NAALAD2: variants seen among roughly 807,000 people sequenced by gnomAD.
The protein encoded by NAALAD2 is N-acetylated alpha-linked acidic dipeptidase 2.
In NAALAD2, 89 loss-of-function variants were observed where a neutral mutation model predicts 95.6. The ratio of observed to expected loss-of-function variants is 0.93; its 90% confidence interval spans 0.78 to 1.11. NAALAD2 has a LOEUF of 1.11. Among genes scored for constraint, NAALAD2 ranks in the 50% least tolerant of loss-of-function variants. The probability of loss-of-function intolerance (pLI) is 0.00; values close to 1 mark genes in which losing one functional copy is unlikely to be tolerated. For missense variants in NAALAD2, 894 were observed against 872.4 expected, an observed-to-expected ratio of 1.02 and a Z score of -0.31; for synonymous variants, 264 against 294.4, an observed-to-expected ratio of 0.90 and a Z score of 1.06.
At chr11:90,179,481 T>C (rs1231785283) in intron 16 of NAALAD2, among the ~76,000 whole-genome samples, 1 of 152,066 alleles carries the variant, frequency 6.6e-6, no homozygotes, top group Non-Finnish European at 1.5e-5. Context: ...AAAGGATTAG[T>C]AATCTTTATA....
intron 11 of NAALAD2, 26 bp from the exon 12 acceptor site, chr11:90,168,903 A>G: frequency 1.3e-6 from 2 of 1,566,112 alleles, no homozygotes; most frequent in East Asian, 4.6e-5. Context: ...AATGTGAATT[A>G]AGTAACAACT....
intron 4 of NAALAD2, among the ~76,000 whole-genome samples, chr11:90,149,529 G>A (rs553203812): frequency 1.2e-4 from 19 of 152,158 alleles, no homozygotes; most frequent in South Asian, 2.1e-4. Flanking sequence ...CTGCCTCCGA[G>A]GTTCAAGCAA....
upstream of NAALAD2, among the ~76,000 whole-genome samples, chr11:90,133,995 T>C (rs1951397114): frequency 1.3e-5 from 2 of 152,086 alleles, no homozygotes; most frequent in Admixed American, 1.3e-4. Context: ...GCTTCTTCGG[T>C]TTAGCATGTC....
intron 11 of NAALAD2, among the ~76,000 whole-genome samples, chr11:90,165,139 A>T (rs771616597): frequency 6.6e-6 from 1 of 152,216 alleles, no homozygotes; most frequent in Non-Finnish European, 1.5e-5. Flanking sequence ...GTCCCTGCAA[A>T]CAACATAGTC....
intron 14 of NAALAD2, 45 bp downstream of exon 14, chr11:90,173,960 A>G: frequency 8.2e-7 from 1 of 1,221,270 alleles, no homozygotes; most frequent in East Asian, 2.4e-5. Flanking sequence ...ATAAGTTATG[A>G]ATTCCCCTCT....
rs775046093 is a variant in NAALAD2, at chr11:90,149,094, A to G, written c.470A>G (p.Gln157Arg). 2.0e-5 allele frequency: 32 copies of G among 1,581,970 alleles called. No homozygotes were observed. The African/African-American group carries it at 2.3e-4, about 11-fold the overall frequency. ...IVPPYNAFSA[Q>R]GMPEGDLVYV... ...CCACCATATAATGCTTTCTCAGCCC[A>G]AGGCATGCCAGAGGTAAAATAAAAT... is the stretch of plus-strand genomic sequence containing the variant. The change falls in exon 4 of 19, where the codon CAA (glutamine) becomes CGA (arginine). Residue 157 changes from glutamine (Q) to arginine (R), a missense_variant. Transcript: ENST00000534061.
Position 90,134,743 on chromosome 11 carries a change from C to T in NAALAD2, c.-16C>T. On this transcript the variant is annotated 5_prime_UTR_variant, in exon 1 of 19. Coordinates refer to ENST00000534061, the MANE Select transcript of NAALAD2 (RefSeq NM_005467.4). ...GCGAATGTAGCAGGCGCCCCAAGCTCGGTCCTCAAGAAGCCATGGCGGAAT... is the reference window on the plus strand; with the variant it reads ...GCGAATGTAGCAGGCGCCCCAAGCTTGGTCCTCAAGAAGCCATGGCGGAAT... The T allele has an allele frequency of 6.2e-7, 1 of 1,613,156 alleles. No homozygotes were observed. The highest frequency in any genetic ancestry group is 1.1e-5 in the South Asian group (1 of 91,024).
chr11:90,150,631 C>T, intron 5 of NAALAD2, 24 bp downstream of exon 5: 2 of 1,558,546 alleles, frequency 1.3e-6, no homozygotes, highest in African/African-American at 1.4e-5. Context: ...TGTTTTTCTA[C>T]AGAGAATGAG....
At chr11:90,140,635 C>T (rs1406293117) in intron 2 of NAALAD2, among the ~76,000 whole-genome samples, 2 of 152,032 alleles carry the variant, frequency 1.3e-5, no homozygotes, top group Non-Finnish European at 2.9e-5. Context: ...GTTGGAAATG[C>T]AGTGAACAAA....
At chr11:90,147,184 T>C (rs1951767603) in intron 2 of NAALAD2, 146 bp from the exon 3 acceptor site, 4 of 612,150 alleles carry the variant, frequency 6.5e-6, no homozygotes, top group Admixed American at 6.1e-5. Flanking sequence ...ATCTAGAAAC[T>C]GGTAGCATTA....
chr11:90,162,885 T>A, intron 8 of NAALAD2, 64 bp from the exon 9 acceptor site: 1 of 934,428 alleles, frequency 1.1e-6, no homozygotes, highest in Non-Finnish European at 1.7e-6. Context: ...TAGTTTTTTA[T>A]AATAAAACAC....
rs577845262 is a variant in NAALAD2, at chr11:90,174,190, T to C, written c.1502+275T>C. ...CTACTAAAAATACAAAATTAGCCGG[T>C]CATGGTAGCGGGCACTTGTAATCCC... On this transcript the variant is annotated intron_variant, in intron 14 of 18. Transcript: ENST00000534061. Among the ~76,000 whole-genome samples the C allele has an allele frequency of 2.0e-5, 3 of 152,104 alleles. No homozygotes were observed. In the East Asian group the frequency reaches 5.8e-4, roughly 29 times the overall value.
chr11:90,146,818 G>A (rs1951760756), intron 2 of NAALAD2, among the ~76,000 whole-genome samples: 1 of 152,042 alleles, frequency 6.6e-6, no homozygotes, highest in African/African-American at 2.4e-5. Flanking sequence ...TTGGGTAAAA[G>A]GCAAGAACTA....
intron 8 of NAALAD2, among the ~76,000 whole-genome samples, chr11:90,162,056 T>C (rs981231640): frequency 6.6e-6 from 1 of 152,136 alleles, no homozygotes; most frequent in Non-Finnish European, 1.5e-5. Context: ...CTTAACAATA[T>C]ACAAGTTTCG....
At chr11:90,160,678 A>G (rs1268489116) in intron 8 of NAALAD2, among the ~76,000 whole-genome samples, 10 of 152,202 alleles carry the variant, frequency 6.6e-5, no homozygotes, top group Admixed American at 6.5e-4. Flanking sequence ...ATGAAACATA[A>G]AGCCCTTTCT....
rs1038820385 is a variant in NAALAD2, at chr11:90,163,437, A to G, written c.1195+8A>G. On this transcript the variant is annotated splice_region_variant and intron_variant, in intron 10 of 18. Transcript: ENST00000534061. ...GAAAACTGATGAGTAAAGGTAAACA[A>G]CCTTTCTTTCCTAGGTGATGACAAA... is the stretch of plus-strand genomic sequence containing the variant. 5.6e-6 allele frequency: 9 copies of G among 1,613,776 alleles called. No individual in the cohort carries two copies. In the East Asian group the frequency reaches 6.7e-5, roughly 12 times the overall value.
At chr11:90,175,672 T>C (rs766055413) in intron 14 of NAALAD2, among the ~76,000 whole-genome samples, 1 of 152,178 alleles carries the variant, frequency 6.6e-6, no homozygotes, top group Non-Finnish European at 1.5e-5. Flanking sequence ...GAGAGCATCA[T>C]CACAAGATGC....
At position 90,158,177 on chromosome 11, in the gene NAALAD2, G is replaced by C. The variant is rs1952179045; in HGVS notation, c.829G>C (p.Val277Leu). 1 of 1,610,026 alleles carries C rather than the reference G, an allele frequency of 6.2e-7. No homozygotes were observed. The highest frequency in any genetic ancestry group is 8.5e-7 in the Non-Finnish European group (1 of 1,177,704). Residue 277 changes from valine (V) to leucine (L), a missense_variant, in exon 7 of 19, where the codon GTG becomes CTG. Val to Leu is a conservative substitution (Grantham distance 32, BLOSUM62 1). Transcript: ENST00000534061. ...TTTCAGACTTGATGTTGAAGAAGGA[G>C]TGGGAATCCCCCGAATACCTGTACA... ...YTFRLDVEEG[V>L]GIPRIPVHPI...
chr11:90,189,275 G>T (rs1311491982), intron 18 of NAALAD2, among the ~76,000 whole-genome samples: 1 of 149,370 alleles, frequency 6.7e-6, no homozygotes, highest in African/African-American at 2.5e-5. Flanking sequence ...AGCTTGGTGA[G>T]ACTTATGTCA....
Sources: allele counts gnomAD v4.1 joint callset (sites outside exome capture counted in the v4.1 genomes callset), GRCh38; gene constraint gnomAD v4.1.1; transcripts MANE v1.5; gene names NCBI Gene and HGNC (gene_info 2026-07-23, HGNC 2026-07-21).